Variants in CLN3 observed in about 807,000 individuals in gnomAD.
CLN3 encodes the protein battenin.
Under a neutral mutation model 60.7 loss-of-function variants are expected in CLN3, and 49 were observed. The observed-to-expected ratio is 0.81, with a 90% confidence interval of 0.64 to 1.02. CLN3 has a LOEUF of 1.02. CLN3 is among the 50% of genes least tolerant of loss of function. CLN3 has a pLI of 0.00. For synonymous variants in CLN3, 256 were observed against 245.8 expected, an observed-to-expected ratio of 1.04 and a Z score of -0.39; for missense variants, 516 against 557.4, an observed-to-expected ratio of 0.93 and a Z score of 0.75.
rs758360941 is a variant in CLN3 at position 28,482,634 on chromosome 16, C to T, written c.829G>A (p.Val277Met). 7.4e-6 allele frequency: 12 copies of T among 1,614,096 alleles called. No individual in the cohort carries two copies. The highest frequency in any genetic ancestry group is 1.6e-4 in the Middle Eastern group (1 of 6,084). ...CCAGCCATCATCCGAACCTTGAACA[C>T]TGTCCACCTTTCCCGAAGGGAGAGG... ...SSLSLRERWT[V>M]FKGLLWYIVP... The change falls in exon 11 of 16, where the codon GTG becomes ATG. Residue 277 changes from valine (V) to methionine (M), a missense_variant. By Grantham distance (21) the Val-to-Met change is conservative (BLOSUM62 1). Coordinates refer to ENST00000636147, the MANE Select transcript of CLN3 (RefSeq NM_001042432.2).
At chr16:28,478,297 T>C (rs1386618450) in intron 14 of CLN3, among the ~76,000 whole-genome samples, 8 of 104,512 alleles carry the variant, frequency 7.7e-5, no homozygotes, top group African/African-American at 1.5e-4. Flanking sequence ...AGAGAGAGAC[T>C]CCATCCCAAA....
chr16:28,468,828 A>G, the CLN3 span, among the ~76,000 whole-genome samples: 1 of 91,296 alleles, frequency 1.1e-5, no homozygotes, highest in Non-Finnish European at 2.5e-5. Context: ...AAAAAAAAAA[A>G]AATTACCAAG....
intron 10 of CLN3, 55 bp from the exon 11 acceptor site, chr16:28,482,727 CAA>C: frequency 6.3e-7 from 1 of 1,581,414 alleles, no homozygotes; most frequent in Non-Finnish European, 8.7e-7. Context: ...GAAGACTCGG[CAA>C]AGAGGCACCG....
chr16:28,480,469 C>T (rs1419825592), intron 14 of CLN3, among the ~76,000 whole-genome samples: 1 of 151,690 alleles, frequency 6.6e-6, no homozygotes, highest in South Asian at 2.1e-4. Context: ...ACTGCAATCT[C>T]GGCTCACTGC....
chr16:28,481,090 A>T (rs922162480), intron 14 of CLN3, among the ~76,000 whole-genome samples: 1 of 152,076 alleles, frequency 6.6e-6, no homozygotes, highest in Non-Finnish European at 1.5e-5. Context: ...TAGGCGACAG[A>T]GGAAGGTTCC....
At chr16:28,474,408 C>T (rs1036747349), downstream of CLN3, 3 of 151,784 alleles carry the variant, frequency 2.0e-5, no homozygotes, top group African/African-American at 4.8e-5. Flanking sequence ...TGCAGTGAGC[C>T]GAGATAGCAC....
chr16:28,488,602 C>T lies in CLN3; in HGVS notation c.283G>A (p.Val95Ile), dbSNP rs763659524. 3 of 1,614,154 alleles carry T rather than the reference C, an allele frequency of 1.9e-6. No homozygotes were observed. The highest frequency in any genetic ancestry group is 1.1e-5 in the South Asian group (1 of 91,080). The change falls in exon 5 of 16, where the codon GTC becomes ATC. Residue 95 changes from valine (V) to isoleucine (I), a missense_variant. Coordinates refer to ENST00000636147, the MANE Select transcript of CLN3 (RefSeq NM_001042432.2). Reference protein sequence around the residue: ...NSSSRFDCNSVSTAAVLLADI... With the variant: ...NSSSRFDCNSISTAAVLLADI... ...AGATGAGTACGCACAGCCGTAGAGA[C>T]AGAGTTGCAGTCAAATCGTGATGAG...
intron 10 of CLN3, 52 bp from the exon 11 acceptor site, chr16:28,482,724 C>A (rs370670511): frequency 9.9e-5 from 157 of 1,590,532 alleles, no homozygotes; most frequent in Non-Finnish European, 1.3e-4. Flanking sequence ...ACTGAAGACT[C>A]GGCAAAGAGG....
chr16:28,489,323 A>C lies in CLN3; in HGVS notation c.189T>G (p.Leu63=). 1 of 1,613,548 alleles carries C rather than the reference A, an allele frequency of 6.2e-7. No homozygotes were observed. Among genetic ancestry groups the C allele is most frequent in the Non-Finnish European group, 8.5e-7 (1 of 1,179,820 alleles). The change falls in exon 4 of 16, where the codon CTT becomes CTG. Residue 63 remains leucine (L), a synonymous_variant. Coordinates refer to ENST00000636147, the MANE Select transcript of CLN3 (RefSeq NM_001042432.2). ...GGTTTCCCGATGTCCTCTTGTGGCT[A>C]AGGATGTCGTGGGCGGCACTCAGCA... ...VVMLSAAHDI[L]SHKRTSGNQS...
At chr16:28,483,646 T>C (rs899910413) in intron 10 of CLN3, among the ~76,000 whole-genome samples, 3 of 151,720 alleles carry the variant, frequency 2.0e-5, no homozygotes, top group Admixed American at 6.6e-5. Context: ...GTGATTGGAA[T>C]GCCTGGCACA....
downstream of CLN3, chr16:28,470,551 G>T: frequency 6.6e-6 from 1 of 151,492 alleles, no homozygotes; most frequent in Non-Finnish European, 1.1e-5. Flanking sequence ...TGGGGCGGGG[G>T]AGGGGAGGGG....
At chr16:28,483,024 A>C (rs1037549356) in intron 10 of CLN3, among the ~76,000 whole-genome samples, 2 of 151,820 alleles carry the variant, frequency 1.3e-5, no homozygotes, top group African/African-American at 4.8e-5. Context: ...GAATCACTTG[A>C]ACCCAGGAGG....
Position 28,486,377 on chromosome 16 carries a change from A to T in CLN3, c.647T>A (p.Met216Lys), listed in dbSNP as rs773602052. 1.1e-5 allele frequency: 18 copies of T among 1,612,820 alleles called. No homozygotes were observed. Among genetic ancestry groups the T allele is most frequent in the Non-Finnish European group, 1.4e-5 (17 of 1,180,008 alleles). Reference sequence around the variant, plus strand: ...CAGCAGCAGGGCAGGGATACCCAGCATGGACAGCAGGGTCTGCTGAGGGGA... The same window carrying T: ...CAGCAGCAGGGCAGGGATACCCAGCTTGGACAGCAGGGTCTGCTGAGGGGA... Reference protein sequence around the residue: ...GLSPQQTLLSMLGIPALLLAS... With the variant: ...GLSPQQTLLSKLGIPALLLAS... The change falls in exon 9 of 16, where the codon ATG becomes AAG. Residue 216 changes from methionine (M) to lysine (K), a missense_variant. Physicochemically the swap from Met to Lys is moderately conservative, Grantham distance 95. Coordinates refer to ENST00000636147, the MANE Select transcript of CLN3 (RefSeq NM_001042432.2).
At chr16:28,480,032 C>T (rs979435938) in intron 14 of CLN3, among the ~76,000 whole-genome samples, 9 of 151,934 alleles carry the variant, frequency 5.9e-5, no homozygotes, top group African/African-American at 2.2e-4. Context: ...ATGATTATGG[C>T]TCACTGCAGC....
Position 28,477,732 on chromosome 16 carries a change from C to A in CLN3, c.1197+5G>T. 6.2e-7 allele frequency: 1 copy of A among 1,614,178 alleles called. No homozygotes were observed. The highest frequency in any genetic ancestry group is 8.5e-7 in the Non-Finnish European group (1 of 1,180,042). ...ACCCCCAGCCCTTGCCCGGCCAATG[C>A]TGACCTCCAGGGCGATGTTGTGGAA... On this transcript the variant is annotated splice_donor_5th_base_variant and intron_variant, in intron 15 of 15. Transcript: ENST00000636147.
chr16:28,483,552 A>C (rs1489421517), intron 10 of CLN3, among the ~76,000 whole-genome samples: 2 of 151,040 alleles, frequency 1.3e-5, no homozygotes, highest in Non-Finnish European at 3.0e-5. Flanking sequence ...ACAGATGGCC[A>C]TTGGCCCACC....
At chr16:28,472,464 T>C (rs1271148776), downstream of CLN3, among the ~76,000 whole-genome samples, 1 of 152,180 alleles carries the variant, frequency 6.6e-6, no homozygotes, top group East Asian at 1.9e-4. Context: ...CACAGACTGC[T>C]GTATCACACC....
Position 28,477,418 on chromosome 16 carries a change from G to A in CLN3, c.*98C>T, listed in dbSNP as rs1596618940. The A allele has an allele frequency of 6.5e-7, 1 of 1,539,198 alleles. No homozygotes were observed. Among genetic ancestry groups the A allele is most frequent in the Admixed American group, 1.7e-5 (1 of 59,602 alleles). ...CTCCCAGACCTGCCGGGAAGGCTGG[G>A]AGCACAGTTCATGGAGGGTCTCTGG... On this transcript the variant is annotated 3_prime_UTR_variant, in exon 16 of 16. Transcript: ENST00000636147.
chr16:28,488,823 G>T (rs1024326656), intron 4 of CLN3, among the ~76,000 whole-genome samples, 161 bp from the exon 5 acceptor site: 17 of 152,158 alleles, frequency 1.1e-4, no homozygotes, highest in Non-Finnish European at 2.5e-4. Flanking sequence ...TGAAGAGGGG[G>T]TTTCCATATG....
Sources: allele counts gnomAD v4.1 joint callset (sites outside exome capture counted in the v4.1 genomes callset), GRCh38; gene constraint gnomAD v4.1.1; transcripts MANE v1.5; gene names NCBI Gene and HGNC (gene_info 2026-07-23, HGNC 2026-07-21).